SPATS2L: variants seen among roughly 807,000 people sequenced by gnomAD.
The protein encoded by SPATS2L is SPATS2-like protein.
Under a neutral mutation model 59.6 loss-of-function variants are expected in SPATS2L, and 30 were observed. The observed-to-expected ratio is 0.50, with a 90% CI of 0.38 to 0.68. SPATS2L has a LOEUF of 0.68. SPATS2L is among the 30% of genes least tolerant of loss of function. SPATS2L has a pLI of 0.00. For synonymous variants in SPATS2L, 252 were observed against 263.5 expected (o/e 0.96, Z 0.42); for missense variants, 615 against 700.0 (o/e 0.88, Z 1.37).
At chr2:200,424,324 A>T (rs371711212) in intron 6 of SPATS2L, among the ~76,000 whole-genome samples, 2 of 37,454 alleles carry the variant, frequency 5.3e-5, no homozygotes, top group South Asian at 6.9e-4. Flanking sequence ...TTATCTCTTT[A>T]AAAAAAAAAG....
intron 3 of SPATS2L, among the ~76,000 whole-genome samples, chr2:200,397,927 A>T (rs766611871): frequency 6.6e-5 from 10 of 152,220 alleles, no homozygotes; most frequent in Non-Finnish European, 1.3e-4. Context: ...GAGGGTAGGC[A>T]GCCAGAGCAG....
intron 4 of SPATS2L, 35 bp from the exon 5 acceptor site, chr2:200,416,344 T>A: frequency 8.2e-7 from 1 of 1,223,458 alleles, no homozygotes; most frequent in Non-Finnish European, 1.1e-6. Flanking sequence ...TTTTATGATG[T>A]GAATATTTGT....
intron 2 of SPATS2L, among the ~76,000 whole-genome samples, chr2:200,377,688 A>G (rs1249821774): frequency 6.6e-6 from 1 of 152,208 alleles, no homozygotes; most frequent in Non-Finnish European, 1.5e-5. Context: ...ATCAGGCAAG[A>G]ACTTCACTTC....
intron 2 of SPATS2L, 87 bp downstream of exon 2, chr2:200,329,567 C>A: frequency 2.5e-6 from 3 of 1,206,334 alleles, no homozygotes; most frequent in Admixed American, 2.0e-5. Context: ...CTCCTGGGAG[C>A]CTTGTCACAG....
At chr2:200,424,074 A>G (rs1231759811) in intron 6 of SPATS2L, among the ~76,000 whole-genome samples, 2 of 152,210 alleles carry the variant, frequency 1.3e-5, no homozygotes, top group Non-Finnish European at 2.9e-5. Flanking sequence ...TTTAAGCCTG[A>G]GAGTAGTTTT....
intron 1 of SPATS2L, among the ~76,000 whole-genome samples, chr2:200,316,807 T>G (rs943433511): frequency 9.2e-5 from 14 of 152,310 alleles, no homozygotes; most frequent in African/African-American, 3.4e-4. Context: ...TCTTTAGTAC[T>G]GAGAACTACC....
At chr2:200,342,343 G>A (rs1176336661) in intron 2 of SPATS2L, among the ~76,000 whole-genome samples, 1 of 152,228 alleles carries the variant, frequency 6.6e-6, no homozygotes, top group Non-Finnish European at 1.5e-5. Context: ...GACCAGAGCT[G>A]CAGAAGAGTC....
At chr2:200,409,391 A>C in intron 3 of SPATS2L, among the ~76,000 whole-genome samples, 1 of 152,042 alleles carries the variant, frequency 6.6e-6, no homozygotes, top group East Asian at 1.9e-4. Context: ...AGATGCTTAA[A>C]CCCTTTTTGA....
Position 200,430,443 on chromosome 2 carries a change from A to G in SPATS2L, c.446-8679A>G, listed in dbSNP as rs2083842450. ...AAATTCAGTAAGGTTTGAGGAAAAA[A>G]AAAAGGAAACAATCCTGCCCCCCAG... On this transcript the variant is annotated intron_variant, in intron 6 of 12. Coordinates refer to ENST00000409140, the MANE Select transcript of SPATS2L (RefSeq NM_001100423.2). Among the ~76,000 whole-genome samples the G allele has an allele frequency of 2.0e-5, 3 of 152,038 alleles. No homozygotes were observed. In the South Asian group the frequency reaches 6.2e-4, roughly 31 times the overall value.
intron 1 of SPATS2L, among the ~76,000 whole-genome samples, chr2:200,317,192 T>TG (rs1448592232): frequency 2.0e-5 from 3 of 152,258 alleles, no homozygotes; most frequent in Admixed American, 2.0e-4. Flanking sequence ...TAGTTTCCTA[T>TG]GACCAGTATG....
intron 2 of SPATS2L, among the ~76,000 whole-genome samples, chr2:200,344,856 C>T (rs559451114): frequency 4.2e-4 from 64 of 152,072 alleles, no homozygotes; most frequent in Non-Finnish European, 6.9e-4. Flanking sequence ...TTTTTGTGGG[C>T]ATGTATGTCT....
intron 9 of SPATS2L, chr2:200,463,115 G>A (rs2086358529): frequency 6.6e-6 from 1 of 152,086 alleles, no homozygotes; most frequent in Non-Finnish European, 1.5e-5. Flanking sequence ...GAAGTCAGGG[G>A]TTCTATTGCA....
chr2:200,440,883 C>T (rs2084651130), intron 8 of SPATS2L, 99 bp downstream of exon 8: 1 of 1,367,142 alleles, frequency 7.3e-7, no homozygotes, highest in East Asian at 2.3e-5. Flanking sequence ...AATACATAAA[C>T]ATCACAGAAT....
chr2:200,382,224 G>A (rs1327012819), intron 2 of SPATS2L, among the ~76,000 whole-genome samples: 1 of 151,882 alleles, frequency 6.6e-6, no homozygotes, highest in Non-Finnish European at 1.5e-5. Context: ...ACAAACACAC[G>A]CCATCATGCC....
rs142792233 is a variant in SPATS2L, at chr2:200,366,883, T to A, written c.-22-22340T>A. On this transcript the variant is annotated intron_variant, in intron 2 of 12. Coordinates refer to ENST00000409140, the MANE Select transcript of SPATS2L (RefSeq NM_001100423.2). Reference sequence around the variant, plus strand: ...CTTCTTGCTAGTAAATTAAACACATTTAGATGCTTTATTAATATATAGTAT... The same window carrying A: ...CTTCTTGCTAGTAAATTAAACACATATAGATGCTTTATTAATATATAGTAT... 3.5e-4 allele frequency among the ~76,000 whole-genome samples: 54 copies of A among 152,308 alleles called. No individual in the cohort carries two copies. The East Asian group carries it at 0.01, about 29-fold the overall frequency.
chr2:200,400,979 C>T (rs373729455), intron 3 of SPATS2L, among the ~76,000 whole-genome samples: 4 of 152,300 alleles, frequency 2.6e-5, no homozygotes, highest in Non-Finnish European at 4.4e-5. Context: ...GAGCCTGCCT[C>T]TCCCCTTAAA....
At chr2:200,415,706 A>G (rs2083031864) in intron 4 of SPATS2L, among the ~76,000 whole-genome samples, 1 of 152,092 alleles carries the variant, frequency 6.6e-6, no homozygotes, top group South Asian at 2.1e-4. Context: ...TAATTTGAAT[A>G]TAATTTAATT....
At chr2:200,437,919 G>A (rs925896953) in intron 6 of SPATS2L, among the ~76,000 whole-genome samples, 3 of 152,050 alleles carry the variant, frequency 2.0e-5, no homozygotes, top group Admixed American at 2.0e-4. Flanking sequence ...TGTTTCAAAT[G>A]TACTTTAATT....
chr2:200,423,390 A>G (rs1017934797), intron 6 of SPATS2L, among the ~76,000 whole-genome samples: 2 of 152,174 alleles, frequency 1.3e-5, no homozygotes, highest in Non-Finnish European at 2.9e-5. Context: ...TCTGTACCCC[A>G]TTTTGAGTAG....
Sources: gnomAD v4.1 joint callset for allele counts (sites outside exome capture counted in the v4.1 genomes callset) on GRCh38, gnomAD v4.1.1 for gene constraint, MANE v1.5 for transcripts, NCBI Gene and HGNC (gene_info 2026-07-23, HGNC 2026-07-21) for gene names.